Variants in TNS3 observed in about 807,000 individuals in gnomAD.
TNS3 encodes tensin-3.
In TNS3, 45 loss-of-function variants were observed where a neutral mutation model predicts 140.9. The observed-to-expected ratio is 0.32, with a 90% CI of 0.25 to 0.41. The LOEUF (loss-of-function observed/expected upper bound fraction) is 0.41. TNS3 is among the 10% of genes least tolerant of loss of function. TNS3 has a pLI of 1.00. For synonymous variants in TNS3, 815 were observed against 788.4 expected (o/e 1.03, Z -0.56); for missense variants, 1,716 against 1,906.7 (o/e 0.90, Z 1.86).
At chr7:47,549,617 C>A (rs1365123479) in intron 1 of TNS3, among the ~76,000 whole-genome samples, 1 of 152,166 alleles carries the variant, frequency 6.6e-6, no homozygotes, top group Non-Finnish European at 1.5e-5. Context: ...GCTGTCCTTA[C>A]AAACGGGCTC....
intron 3 of TNS3, among the ~76,000 whole-genome samples, chr7:47,495,913 A>G (rs1175040741): frequency 6.6e-6 from 1 of 152,178 alleles, no homozygotes; most frequent in Non-Finnish European, 1.5e-5. Context: ...CACTCAGGAG[A>G]GCAGTGGACG....
intron 1 of TNS3, among the ~76,000 whole-genome samples, chr7:47,532,935 A>G (rs1219802081): frequency 2.0e-5 from 3 of 151,898 alleles, no homozygotes; most frequent in Admixed American, 6.6e-5. Context: ...AAATTATTCA[A>G]TTAATCTAAA....
chr7:47,499,692 AGCG>A (rs1377829838), intron 3 of TNS3, among the ~76,000 whole-genome samples: 2 of 152,244 alleles, frequency 1.3e-5, no homozygotes, highest in Non-Finnish European at 2.9e-5. Context: ...TGAAAAGGTC[AGCG>A]GCTGCCGGGG....
chr7:47,489,177 A>G (rs1797720600), intron 3 of TNS3, among the ~76,000 whole-genome samples: 1 of 152,204 alleles, frequency 6.6e-6, no homozygotes. Context: ...CGGCAGACGC[A>G]ATTAAACCTT....
intron 20 of TNS3, among the ~76,000 whole-genome samples, chr7:47,315,100 C>T (rs1787319059): frequency 6.6e-6 from 1 of 152,256 alleles, no homozygotes; most frequent in Non-Finnish European, 1.5e-5. Context: ...ACAGCCCTGC[C>T]AGCCACAGCC....
intron 2 of TNS3, among the ~76,000 whole-genome samples, chr7:47,516,932 G>A (rs1427432897): frequency 1.3e-5 from 2 of 152,106 alleles, no homozygotes; most frequent in Non-Finnish European, 2.9e-5. Flanking sequence ...GCGTGGTGGT[G>A]GGCGCCTGTA....
In TNS3 at chr7:47,389,355, G is replaced by A. The variant is rs182266135; in HGVS notation, c.1024+7445C>T. Among the ~76,000 whole-genome samples, 93 of 152,272 alleles carry A rather than the reference G, an allele frequency of 6.1e-4. 1 individual carries two copies. Among genetic ancestry groups the A allele is most frequent in the Admixed American group, 1.2e-3 (18 of 15,308 alleles). On this transcript the variant is annotated intron_variant, in intron 16 of 30. Coordinates refer to ENST00000311160, the MANE Select transcript of TNS3 (RefSeq NM_022748.12). ...GAGGCCCAAGGTTTGTGTGCCGACT[G>A]GGGGTTGGGAGGACCCTGAGGACCC...
intron 11 of TNS3, 74 bp downstream of exon 11, chr7:47,415,020 A>C: frequency 8.8e-7 from 1 of 1,138,182 alleles, no homozygotes; most frequent in Non-Finnish European, 1.3e-6. Flanking sequence ...AGGCTTATCT[A>C]AATTGAGGGG....
intron 21 of TNS3, among the ~76,000 whole-genome samples, chr7:47,304,452 C>A (rs1263536212): frequency 6.6e-6 from 1 of 152,190 alleles, no homozygotes. Flanking sequence ...CTACTCTGAG[C>A]AAGTGGAATG....
chr7:47,482,435 T>G (rs1797455537), intron 3 of TNS3, among the ~76,000 whole-genome samples: 1 of 152,044 alleles, frequency 6.6e-6, no homozygotes, highest in African/African-American at 2.4e-5. Flanking sequence ...CTTTAAAGTT[T>G]GATGAATGGA....
intron 3 of TNS3, among the ~76,000 whole-genome samples, chr7:47,495,266 G>A (rs1797965764): frequency 6.6e-6 from 1 of 151,952 alleles, no homozygotes; most frequent in South Asian, 2.1e-4. Context: ...GAGGCATGAA[G>A]GCGCATGCAC....
intron 17 of TNS3, among the ~76,000 whole-genome samples, chr7:47,351,326 TCAGA>T (rs1789658850): frequency 6.6e-6 from 1 of 152,202 alleles, no homozygotes; most frequent in Non-Finnish European, 1.5e-5. Context: ...ACCAATATGC[TCAGA>T]GGAGATGTGG....
chr7:47,417,778 A>G (rs1794163187), intron 10 of TNS3, among the ~76,000 whole-genome samples: 1 of 152,194 alleles, frequency 6.6e-6, no homozygotes, highest in Admixed American at 6.5e-5. Context: ...AAACCAACAT[A>G]TTGTTCAAAA....
At chr7:47,420,033 G>A (rs576132995) in intron 10 of TNS3, among the ~76,000 whole-genome samples, 43 of 152,196 alleles carry the variant, frequency 2.8e-4, no homozygotes, top group African/African-American at 1.0e-3. Context: ...TTGGTAAATC[G>A]GCTATATCTG....
chr7:47,411,757 C>A lies in TNS3; in HGVS notation c.693G>T (p.Glu231Asp), dbSNP rs766240555. The A allele has an allele frequency of 6.2e-7, 1 of 1,613,098 alleles. No individual in the cohort carries two copies. Among genetic ancestry groups the A allele is most frequent in the Admixed American group, 1.7e-5 (1 of 59,954 alleles). ...CATCTCCCTTCAGAAGCTGGGCCGG[C>A]TCGATGACGATGCAGATCCTGCTGG... is the stretch of plus-strand genomic sequence containing the variant. ...ENPSRICIVI[E>D]PAQLLKGDVM... The change falls in exon 13 of 31, where the codon GAG (glutamate) becomes GAT (aspartate). Residue 231 changes from glutamate to aspartate, a missense_variant. Physicochemically the swap from Glu to Asp is conservative, Grantham distance 45 (BLOSUM62 2). Transcript: ENST00000311160.
chr7:47,575,185 A>G (rs1426318138), intron 1 of TNS3, among the ~76,000 whole-genome samples: 2 of 152,248 alleles, frequency 1.3e-5, no homozygotes, highest in African/African-American at 4.8e-5. Context: ...GTGAAGTCCA[A>G]ATATCATGGT....
In TNS3 at chr7:47,516,964, G is replaced by A. The variant is rs953688685; in HGVS notation, c.-152-10020C>T. ...TGTAATCCCAGCTACTCGGGAAGCT[G>A]AGGCAGGAGAATCACTTGAACCCAG... On this transcript the variant is annotated intron_variant, in intron 2 of 30. Transcript: ENST00000311160. 3.3e-5 allele frequency among the ~76,000 whole-genome samples: 5 copies of A among 152,312 alleles called. No homozygotes were observed. The East Asian group carries it at 9.6e-4, about 29-fold the overall frequency.
At chr7:47,558,623 G>A (rs1338521436) in intron 1 of TNS3, among the ~76,000 whole-genome samples, 5 of 152,040 alleles carry the variant, frequency 3.3e-5, no homozygotes, top group East Asian at 1.9e-4. Context: ...CTGTTTCGTC[G>A]ATGGAAAAAC....
At chr7:47,547,452 C>T (rs1799951410) in intron 1 of TNS3, among the ~76,000 whole-genome samples, 2 of 152,028 alleles carry the variant, frequency 1.3e-5, no homozygotes, top group African/African-American at 2.4e-5. Flanking sequence ...CAGGGGGCAG[C>T]GGCACACACT....
Sources: gnomAD v4.1 joint callset for allele counts (sites outside exome capture counted in the v4.1 genomes callset) on GRCh38, gnomAD v4.1.1 for gene constraint, MANE v1.5 for transcripts, NCBI Gene and HGNC (gene_info 2026-07-23, HGNC 2026-07-21) for gene names.